The following LHPP variants were observed in gnomAD, a reference collection of about 807,000 sequenced individuals.
LHPP encodes the protein hLHPP.
Under a neutral mutation model 30.3 loss-of-function variants are expected in LHPP, and 24 were observed. The observed-to-expected ratio is 0.79, with a 90% CI of 0.57 to 1.11. The LOEUF is 1.11. Ranked by LOEUF, LHPP falls within the 50% of genes most tolerant of loss-of-function variation. The pLI, the probability that LHPP is intolerant of heterozygous loss-of-function variation, is 0.00. For synonymous variants in LHPP, 150 were observed against 157.1 expected (o/e 0.95, Z 0.34); for missense variants, 356 against 367.2 (o/e 0.97, Z 0.25).
intron 6 of LHPP, among the ~76,000 whole-genome samples, chr10:124,554,701 G>A (rs972915880): frequency 2.0e-5 from 3 of 152,200 alleles, no homozygotes; most frequent in African/African-American, 2.4e-5. Flanking sequence ...TCTGCACCTC[G>A]CTTACTCCTG....
intron 6 of LHPP, among the ~76,000 whole-genome samples, chr10:124,546,707 C>G (rs1437574294): frequency 2.6e-5 from 4 of 152,114 alleles, no homozygotes; most frequent in Non-Finnish European, 5.9e-5. Flanking sequence ...ACCGCGCCCG[C>G]CTCATGCGGT....
At chr10:124,475,612 C>T (rs2133830372) in intron 1 of LHPP, among the ~76,000 whole-genome samples, 1 of 152,242 alleles carries the variant, frequency 6.6e-6, no homozygotes, top group South Asian at 2.1e-4. Context: ...ACTGTTGGTG[C>T]CTCATTTTAC....
At chr10:124,471,405 ATATATTTATATATT>A (rs1215321443) in intron 1 of LHPP, among the ~76,000 whole-genome samples, 15 of 53,400 alleles carry the variant, frequency 2.8e-4, no homozygotes, top group Admixed American at 7.2e-4. Context: ...TATATAATAT[ATATATTTATATATT>A]ATATATATAT....
chr10:124,475,143 C>T (rs568099584), intron 1 of LHPP, among the ~76,000 whole-genome samples: 1 of 149,152 alleles, frequency 6.7e-6, no homozygotes, highest in East Asian at 2.0e-4. Flanking sequence ...CTGCCTCAGC[C>T]TCCTGAATAG....
chr10:124,577,972 G>A (rs548910417), intron 6 of LHPP, among the ~76,000 whole-genome samples: 5 of 152,132 alleles, frequency 3.3e-5, no homozygotes, highest in African/African-American at 9.7e-5. Flanking sequence ...TGCCACCCAG[G>A]TTTCCTCTAA....
At chr10:124,560,541 C>T (rs992568210) in intron 6 of LHPP, among the ~76,000 whole-genome samples, 12 of 152,232 alleles carry the variant, frequency 7.9e-5, no homozygotes, top group African/African-American at 1.9e-4. Context: ...CAGGGAGCGC[C>T]GTGGCCTCTT....
intron 1 of LHPP, among the ~76,000 whole-genome samples, chr10:124,473,215 C>A (rs1952841829): frequency 6.6e-6 from 1 of 152,154 alleles, no homozygotes; most frequent in Admixed American, 6.5e-5. Context: ...CCTGCCCCTA[C>A]CCCCAGTGCC....
intron 5 of LHPP, among the ~76,000 whole-genome samples, chr10:124,513,944 G>A (rs986101068): frequency 2.6e-5 from 4 of 152,092 alleles, no homozygotes; most frequent in Admixed American, 6.5e-5. Flanking sequence ...TCTTGTTTGC[G>A]CCTCATAAGT....
At chr10:124,550,972 C>T (rs74160925) in intron 6 of LHPP, among the ~76,000 whole-genome samples, 6,873 of 152,278 alleles carry the variant, frequency 0.045, 268 homozygotes, top group African/African-American at 0.092. Flanking sequence ...GGTGCAGAGG[C>T]CCGGCCCAGC....
chr10:124,582,237 T>C (rs1166047059), intron 6 of LHPP, among the ~76,000 whole-genome samples: 1 of 152,162 alleles, frequency 6.6e-6, no homozygotes, highest in Non-Finnish European at 1.5e-5. Flanking sequence ...TGCACCACCA[T>C]TCTTGGTGAA....
chr10:124,609,695 T>C (rs1949142319), intron 6 of LHPP, among the ~76,000 whole-genome samples: 1 of 152,240 alleles, frequency 6.6e-6, no homozygotes, highest in African/African-American at 2.4e-5. Context: ...CGTCCCACCC[T>C]CTGTCACTAG....
At chr10:124,540,948 G>A (rs1055072170) in intron 6 of LHPP, among the ~76,000 whole-genome samples, 3 of 152,140 alleles carry the variant, frequency 2.0e-5, no homozygotes, top group Non-Finnish European at 4.4e-5. Context: ...AAAATTAGAA[G>A]GAAAATATCT....
At position 124,613,397 on chromosome 10, in the gene LHPP, C is replaced by T. The variant is rs777434012; in HGVS notation, c.*37C>T. On this transcript the variant is annotated 3_prime_UTR_variant, in exon 7 of 7. Transcript: ENST00000368842. The stretch of plus-strand genomic sequence containing the variant: ...GAGAGCCCCGCCTCCTCCACCCCTG[C>T]CTCTCCTCCACCCCTGCCTCCCCTC... 1.6e-6 allele frequency: 2 copies of T among 1,254,596 alleles called. No homozygotes were observed. Among genetic ancestry groups the T allele is most frequent in the Non-Finnish European group, 1.1e-6 (1 of 871,930 alleles). The allele number at this position is 1,254,596 out of a possible 1,614,324, so 77.7% of individuals were successfully genotyped here. A position where few individuals can be genotyped will look rare whatever the true frequency, so the allele number is the denominator to read the frequency against.
chr10:124,514,922 C>A (rs1954407315), intron 5 of LHPP, among the ~76,000 whole-genome samples: 2 of 152,114 alleles, frequency 1.3e-5, no homozygotes, highest in African/African-American at 2.4e-5. Context: ...CCACCTCAGT[C>A]TCCCAAGTAG....
intron 1 of LHPP, among the ~76,000 whole-genome samples, chr10:124,466,748 C>T (rs1254944): frequency 0.23 from 34,443 of 151,874 alleles, 4,712 homozygotes; most frequent in East Asian, 0.44. Flanking sequence ...TGAGCCACCG[C>T]GCCCAGCCTG....
chr10:124,513,790 T>TA (rs113227798), intron 5 of LHPP, among the ~76,000 whole-genome samples: 22,085 of 143,848 alleles, frequency 0.15, 1,833 homozygotes, highest in East Asian at 0.35. Flanking sequence ...TTATTTATAT[T>TA]AAAAAAAAAA....
At chr10:124,516,555 G>A (rs1056834910) in intron 5 of LHPP, among the ~76,000 whole-genome samples, 7 of 152,276 alleles carry the variant, frequency 4.6e-5, no homozygotes, top group African/African-American at 1.7e-4. Context: ...ATTGTCCTTC[G>A]TTGCTTGATG....
intron 6 of LHPP, among the ~76,000 whole-genome samples, chr10:124,571,492 G>A (rs79500180): frequency 6.6e-6 from 1 of 152,182 alleles, no homozygotes; most frequent in Non-Finnish European, 1.5e-5. Context: ...ACCTTTAGGG[G>A]CTTGGCTGAA....
intron 6 of LHPP, among the ~76,000 whole-genome samples, chr10:124,552,052 C>T (rs1948178395): frequency 6.6e-6 from 1 of 152,068 alleles, no homozygotes; most frequent in South Asian, 2.1e-4. Context: ...CGTGGGACTT[C>T]CCAGTGCCCC....
Sources: gnomAD v4.1 joint callset for allele counts (sites outside exome capture counted in the v4.1 genomes callset) on GRCh38, gnomAD v4.1.1 for gene constraint, MANE v1.5 for transcripts, NCBI Gene and HGNC (gene_info 2026-07-23, HGNC 2026-07-21) for gene names.